BRINP3: variants seen among roughly 807,000 people sequenced by gnomAD.
The protein encoded by BRINP3 is BMP/retinoic acid-inducible neural-specific protein 3.
BRINP3 carries 19 observed loss-of-function variants against 71.0 expected under a neutral mutation model. The ratio of observed to expected loss-of-function variants is 0.27; its 90% confidence interval spans 0.19 to 0.39. BRINP3 has a LOEUF of 0.39. BRINP3 is among the 10% of genes least tolerant of loss of function. The pLI, the probability that BRINP3 is intolerant of heterozygous loss-of-function variation, is 1.00. For synonymous variants in BRINP3, 380 were observed against 337.7 expected (o/e 1.13, Z -1.37); for missense variants, 959 against 940.8 (o/e 1.02, Z -0.25).
chr1:190,435,556 G>A (rs2102529693), intron 2 of BRINP3, among the ~76,000 whole-genome samples: 1 of 152,070 alleles, frequency 6.6e-6, no homozygotes, highest in South Asian at 2.1e-4. Flanking sequence ...TTATATTAAT[G>A]TTTAATCTTC....
chr1:190,218,118 A>G (rs1656566177), intron 6 of BRINP3, among the ~76,000 whole-genome samples: 1 of 151,770 alleles, frequency 6.6e-6, no homozygotes, highest in African/African-American at 2.4e-5. Flanking sequence ...CAAAAACTAT[A>G]TACACCATAT....
At chr1:190,185,027 C>T (rs1653387413) in intron 6 of BRINP3, among the ~76,000 whole-genome samples, 1 of 152,130 alleles carries the variant, frequency 6.6e-6, no homozygotes. Context: ...GGAAGAACTT[C>T]ATGACATTTG....
At chr1:190,452,885 C>T (rs915337873) in intron 2 of BRINP3, among the ~76,000 whole-genome samples, 26 of 152,050 alleles carry the variant, frequency 1.7e-4, no homozygotes, top group Admixed American at 1.1e-3. Flanking sequence ...ACATGTCAAG[C>T]CATGTTTGCT....
intron 2 of BRINP3, among the ~76,000 whole-genome samples, chr1:190,360,409 T>A (rs1669063221): frequency 6.6e-6 from 1 of 152,160 alleles, no homozygotes; most frequent in African/African-American, 2.4e-5. Flanking sequence ...TGGAGGCAGA[T>A]TTGCCTAGGA....
chr1:190,222,164 T>C (rs1656950023), intron 6 of BRINP3, among the ~76,000 whole-genome samples: 1 of 151,932 alleles, frequency 6.6e-6, no homozygotes. Flanking sequence ...GGTCATATCT[T>C]AAGCAACAAA....
intron 2 of BRINP3, among the ~76,000 whole-genome samples, chr1:190,405,536 G>A (rs555771278): frequency 2.0e-3 from 261 of 133,646 alleles, no homozygotes; most frequent in Middle Eastern, 5.2e-3. Flanking sequence ...CATGAATAAT[G>A]ATGAGTAGTT....
At chr1:190,319,351 G>C (rs1666088861) in intron 2 of BRINP3, among the ~76,000 whole-genome samples, 1 of 151,948 alleles carries the variant, frequency 6.6e-6, no homozygotes, top group Admixed American at 6.6e-5. Context: ...TTCACACTGT[G>C]TATTCCTGTG....
At chr1:190,411,572 A>AT (rs961554137) in intron 2 of BRINP3, among the ~76,000 whole-genome samples, 2 of 152,138 alleles carry the variant, frequency 1.3e-5, no homozygotes, top group African/African-American at 2.4e-5. Flanking sequence ...AGTAAATTGA[A>AT]TTTTTTTAAA....
intron 2 of BRINP3, among the ~76,000 whole-genome samples, chr1:190,329,938 A>G (rs1666856988): frequency 6.6e-6 from 1 of 152,078 alleles, no homozygotes; most frequent in African/African-American, 2.4e-5. Flanking sequence ...AGCCATCTGC[A>G]GAAGAATGAA....
Position 190,097,811 on chromosome 1 carries a change from G to T in BRINP3, c.*207C>A. ...TAGAATGTCTTCTAGACTGGTGTCA[G>T]TATTTATGTCATTCATAAACCAAAA... On this transcript the variant is annotated 3_prime_UTR_variant, in exon 8 of 8. Coordinates refer to ENST00000367462, the MANE Select transcript of BRINP3 (RefSeq NM_199051.3). 1 of 547,356 alleles carries T rather than the reference G, an allele frequency of 1.8e-6. No homozygotes were observed. The highest frequency in any genetic ancestry group is 3.2e-6 in the Non-Finnish European group (1 of 311,956). The allele number at this position is 547,356 out of a possible 1,614,324, so 33.9% of individuals were successfully genotyped here.
rs562280734 is a variant in BRINP3 at position 190,244,069 on chromosome 1, C to T, written c.619-9592G>A. 2.9e-3 allele frequency among the ~76,000 whole-genome samples: 445 copies of T among 152,078 alleles called. 3 individuals carry two copies. Among genetic ancestry groups the T allele is most frequent in the African/African-American group, 0.01 (433 of 41,484 alleles). ...AGTGAATTGTATAATTATTTCATTA[C>T]ATATTACAATGTAATATTAATAGAA... On this transcript the variant is annotated intron_variant, in intron 4 of 7. Coordinates refer to ENST00000367462, the MANE Select transcript of BRINP3 (RefSeq NM_199051.3).
chr1:190,274,461 A>G (rs1467702842), intron 3 of BRINP3, among the ~76,000 whole-genome samples: 1 of 151,430 alleles, frequency 6.6e-6, no homozygotes, highest in Non-Finnish European at 1.5e-5. Flanking sequence ...TTTGCCTTGG[A>G]GTGATTTGTA....
At chr1:190,357,670 A>T (rs932783314) in intron 2 of BRINP3, among the ~76,000 whole-genome samples, 19 of 151,966 alleles carry the variant, frequency 1.3e-4, no homozygotes. Flanking sequence ...ATGGTTCCAT[A>T]TGAACTTTAA....
intron 2 of BRINP3, among the ~76,000 whole-genome samples, chr1:190,389,346 T>C (rs761275262): frequency 7.2e-5 from 11 of 151,768 alleles, no homozygotes; most frequent in Non-Finnish European, 1.2e-4. Context: ...TCCAATTATA[T>C]ACCATGTGGC....
At chr1:190,190,289 T>C (rs1489776155) in intron 6 of BRINP3, among the ~76,000 whole-genome samples, 1 of 152,146 alleles carries the variant, frequency 6.6e-6, no homozygotes, top group Non-Finnish European at 1.5e-5. Context: ...ATTTCCCTTC[T>C]CTTTTCCCCA....
chr1:190,256,671 G>A (rs1394465094), intron 4 of BRINP3, among the ~76,000 whole-genome samples: 2 of 152,118 alleles, frequency 1.3e-5, no homozygotes, highest in Non-Finnish European at 1.5e-5. Context: ...ACTCTTGTAA[G>A]GCAGGCCTGG....
At chr1:190,114,209 T>C (rs1232044038) in intron 7 of BRINP3, among the ~76,000 whole-genome samples, 3 of 152,202 alleles carry the variant, frequency 2.0e-5, no homozygotes. Context: ...CCATGTGGCA[T>C]GCCTGCTTCT....
At chr1:190,340,199 T>A (rs1439292093) in intron 2 of BRINP3, among the ~76,000 whole-genome samples, 1 of 151,910 alleles carries the variant, frequency 6.6e-6, no homozygotes, top group Non-Finnish European at 1.5e-5. Flanking sequence ...GACCTCTGGG[T>A]TATGTTATCT....
intron 6 of BRINP3, among the ~76,000 whole-genome samples, chr1:190,213,127 T>C (rs1656126198): frequency 6.6e-6 from 1 of 151,904 alleles, no homozygotes; most frequent in Non-Finnish European, 1.5e-5. Flanking sequence ...TTACCAGCAG[T>C]AACTAGGAAA....
Sources: allele counts gnomAD v4.1 joint callset (sites outside exome capture counted in the v4.1 genomes callset), GRCh38; gene constraint gnomAD v4.1.1; transcripts MANE v1.5; gene names NCBI Gene and HGNC (gene_info 2026-07-23, HGNC 2026-07-21).